Variants in RPS6KC1 observed in about 807,000 individuals in gnomAD.
RPS6KC1 encodes ribosomal protein S6 kinase C1, also known as inactive ribosomal protein S6 kinase delta-1.
RPS6KC1 carries 54 observed loss-of-function variants against 103.8 expected under a neutral mutation model. The observed-to-expected ratio is 0.52, with a 90% CI of 0.42 to 0.65. The LOEUF is 0.65. RPS6KC1 is among the 30% of genes least tolerant of loss of function. The pLI is 0.00. For missense variants in RPS6KC1, 1,151 were observed against 1,253.8 expected, an observed-to-expected ratio of 0.92 and a Z score of 1.24; for synonymous variants, 439 against 438.7, an observed-to-expected ratio of 1.00 and a Z score of -0.01.
intron 6 of RPS6KC1, among the ~76,000 whole-genome samples, chr1:213,146,088 C>A (rs2087780425): frequency 9.8e-6 from 1 of 102,104 alleles, no homozygotes; most frequent in Non-Finnish European, 2.2e-5. Context: ...CTCATGAATT[C>A]ATTTTTTTTT....
intron 8 of RPS6KC1, among the ~76,000 whole-genome samples, chr1:213,214,000 A>G (rs2093588436): frequency 6.6e-6 from 1 of 152,230 alleles, no homozygotes; most frequent in Admixed American, 6.5e-5. Flanking sequence ...TACTGGGTTC[A>G]TCTCACTGGG....
At chr1:213,165,897 A>C (rs1478624017) in intron 6 of RPS6KC1, among the ~76,000 whole-genome samples, 1 of 152,156 alleles carries the variant, frequency 6.6e-6, no homozygotes, top group African/African-American at 2.4e-5. Flanking sequence ...CAGTATTTCC[A>C]TCACATCATT....
intron 6 of RPS6KC1, among the ~76,000 whole-genome samples, chr1:213,152,640 T>G (rs1271555008): frequency 2.5e-5 from 3 of 120,024 alleles, no homozygotes; most frequent in South Asian, 3.0e-4. Flanking sequence ...TCTCAGACGA[T>G]GGGCGGCCGG....
At chr1:213,508,049 C>A in the RPS6KC1 span, among the ~76,000 whole-genome samples, 1 of 152,168 alleles carries the variant, frequency 6.6e-6, no homozygotes, top group Non-Finnish European at 1.5e-5. Flanking sequence ...GGTACTTATA[C>A]CCCAGCCACT....
the RPS6KC1 span, among the ~76,000 whole-genome samples, chr1:213,578,583 G>T: frequency 6.6e-6 from 1 of 152,206 alleles, no homozygotes; most frequent in South Asian, 2.1e-4. Flanking sequence ...AGTGTAACCT[G>T]GATGTGAGAC....
intron 6 of RPS6KC1, among the ~76,000 whole-genome samples, chr1:213,149,190 T>TG (rs2088284441): frequency 6.6e-6 from 1 of 152,168 alleles, no homozygotes; most frequent in Non-Finnish European, 1.5e-5. Flanking sequence ...TCTTTATTAT[T>TG]TTTTTCTACT....
At chr1:213,134,822 A>G (rs1474617864) in intron 6 of RPS6KC1, among the ~76,000 whole-genome samples, 1 of 152,138 alleles carries the variant, frequency 6.6e-6, no homozygotes, top group Admixed American at 6.5e-5. Context: ...CTTAGAACCA[A>G]TCCCCTGTGG....
intron 5 of RPS6KC1, among the ~76,000 whole-genome samples, chr1:213,121,082 C>A (rs2084327841): frequency 6.6e-6 from 1 of 152,136 alleles, no homozygotes; most frequent in Non-Finnish European, 1.5e-5. Context: ...CAGGCACAAC[C>A]ATGCCTGGCT....
At chr1:213,300,012 C>T in the RPS6KC1 span, among the ~76,000 whole-genome samples, 2 of 151,962 alleles carry the variant, frequency 1.3e-5, no homozygotes, top group East Asian at 1.9e-4. Context: ...TCACCGTGTT[C>T]GCCAGGATAG....
At chr1:213,777,015 G>A in the RPS6KC1 span, among the ~76,000 whole-genome samples, 1 of 152,096 alleles carries the variant, frequency 6.6e-6, no homozygotes, top group Non-Finnish European at 1.5e-5. Flanking sequence ...AGAGGGTTAG[G>A]ATCTTTCTCT....
At chr1:213,741,066 A>G in the RPS6KC1 span, among the ~76,000 whole-genome samples, 1 of 148,554 alleles carries the variant, frequency 6.7e-6, no homozygotes, top group Non-Finnish European at 1.5e-5. Context: ...TATAAAATAT[A>G]TAGTATATAT....
At position 213,166,500 on chromosome 1, in the gene RPS6KC1, C is replaced by T. The variant is rs370962767; in HGVS notation, c.836-1358C>T. 1.1e-4 allele frequency among the ~76,000 whole-genome samples: 16 copies of T among 152,198 alleles called. No individual in the cohort carries two copies. The East Asian group carries it at 1.5e-3, about 15-fold the overall frequency. On this transcript the variant is annotated intron_variant, in intron 6 of 14. Transcript: ENST00000366960. ...GCCCTCTAAAACCTTGCCTTTAGGA[C>T]GTAAGCAGATTGTAAGGGTAGAGGC...
At chr1:213,800,131 T>C in the RPS6KC1 span, among the ~76,000 whole-genome samples, 1 of 151,704 alleles carries the variant, frequency 6.6e-6, no homozygotes, top group Non-Finnish European at 1.5e-5. Context: ...ACATAGGGGG[T>C]TAGGGTTTCA....
chr1:213,221,023 A>T (rs1249955523), intron 8 of RPS6KC1, among the ~76,000 whole-genome samples: 1 of 152,196 alleles, frequency 6.6e-6, no homozygotes, highest in African/African-American at 2.4e-5. Flanking sequence ...GATAGTACCC[A>T]GAAAAACAGG....
the RPS6KC1 span, among the ~76,000 whole-genome samples, chr1:213,467,808 G>A: frequency 6.6e-6 from 1 of 152,172 alleles, no homozygotes; most frequent in Non-Finnish European, 1.5e-5. Flanking sequence ...TCACTTCCAT[G>A]TTAATTGATG....
intron 8 of RPS6KC1, among the ~76,000 whole-genome samples, chr1:213,229,105 G>A (rs540468323): frequency 4.5e-4 from 69 of 152,214 alleles, no homozygotes; most frequent in South Asian, 1.7e-3. Flanking sequence ...TGAAGGCAGG[G>A]CCTTGGGAAG....
chr1:213,351,524 A>C, the RPS6KC1 span, among the ~76,000 whole-genome samples: 2 of 152,184 alleles, frequency 1.3e-5, no homozygotes, highest in African/African-American at 4.8e-5. Context: ...ATTCTGTAAG[A>C]TTTTAGATAA....
At chr1:213,751,232 G>A in the RPS6KC1 span, among the ~76,000 whole-genome samples, 1 of 152,048 alleles carries the variant, frequency 6.6e-6, no homozygotes, top group Non-Finnish European at 1.5e-5. Context: ...AATCATCCTG[G>A]CAGCCAGGAT....
chr1:213,300,143 T>C, the RPS6KC1 span, among the ~76,000 whole-genome samples: 1 of 152,192 alleles, frequency 6.6e-6, no homozygotes, highest in African/African-American at 2.4e-5. Flanking sequence ...TTCCAATAGT[T>C]AATGTGAAAT....
Sources: allele counts gnomAD v4.1 joint callset (sites outside exome capture counted in the v4.1 genomes callset), GRCh38; gene constraint gnomAD v4.1.1; transcripts MANE v1.5; gene names NCBI Gene and HGNC (gene_info 2026-07-23, HGNC 2026-07-21).